GRM7: variants seen among roughly 807,000 people sequenced by gnomAD.
The protein encoded by GRM7 is metabotropic glutamate receptor 7.
In GRM7, 35 loss-of-function variants were observed where a neutral mutation model predicts 84.5. The observed-to-expected ratio is 0.41, with a 90% CI of 0.32 to 0.55. The LOEUF (loss-of-function observed/expected upper bound fraction) is 0.55. Among genes scored for constraint, GRM7 ranks in the 20% least tolerant of loss-of-function variants. GRM7 has a pLI of 0.19. For missense variants in GRM7, 1,003 were observed against 1,194.6 expected (o/e 0.84, Z 2.36); for synonymous variants, 487 against 455.1 (o/e 1.07, Z -0.89).
At chr3:7,576,027 G>A (rs1057126535) in intron 7 of GRM7, among the ~76,000 whole-genome samples, 20 of 152,158 alleles carry the variant, frequency 1.3e-4, no homozygotes, top group Admixed American at 3.3e-4. Flanking sequence ...TATGTGGCAC[G>A]TGAGTAGCCA....
At chr3:6,935,676 A>T (rs1340250984) in intron 1 of GRM7, among the ~76,000 whole-genome samples, 1 of 111,040 alleles carries the variant, frequency 9.0e-6, no homozygotes, top group Non-Finnish European at 1.8e-5. Context: ...TCTTATTTTT[A>T]AATTATTATT....
intron 2 of GRM7, among the ~76,000 whole-genome samples, chr3:7,229,750 TA>T (rs1324049560): frequency 2.8e-5 from 1 of 36,308 alleles, no homozygotes; most frequent in African/African-American, 8.5e-5. Context: ...TATATATATA[TA>T]TATATATATT....
At chr3:7,143,702 T>C (rs6770189) in intron 1 of GRM7, among the ~76,000 whole-genome samples, 4,529 of 152,206 alleles carry the variant, frequency 0.03, 221 homozygotes, top group African/African-American at 0.1. Flanking sequence ...TAAATGCAAA[T>C]TCAAGGAGAG....
intron 3 of GRM7, among the ~76,000 whole-genome samples, chr3:7,303,948 A>C (rs1700097148): frequency 6.7e-6 from 1 of 149,936 alleles, no homozygotes; most frequent in African/African-American, 2.4e-5. Context: ...TTTTTTTAAG[A>C]GTAAATTAAG....
chr3:7,710,437 G>A (rs982842788), intron 9 of GRM7, among the ~76,000 whole-genome samples: 17 of 152,064 alleles, frequency 1.1e-4, no homozygotes, highest in African/African-American at 4.1e-4. Context: ...TTCATTATAG[G>A]TAATTTCAGG....
In GRM7 at chr3:7,010,677, C is replaced by T. The variant is rs961779321; in HGVS notation, c.520-135775C>T. 4.2e-4 allele frequency among the ~76,000 whole-genome samples: 64 copies of T among 152,088 alleles called. 1 individual carries two copies. Among genetic ancestry groups the T allele is most frequent in the Non-Finnish European group, 1.2e-4 (8 of 68,008 alleles). On this transcript the variant is annotated intron_variant, in intron 1 of 9. Coordinates refer to ENST00000357716, the MANE Select transcript of GRM7 (RefSeq NM_000844.4). ...ATAGGTTAGAGACAAACACAGAAAC[C>T]TAAAAATCAGGAGCTAGTTGAGAAG...
chr3:6,941,960 C>A lies in GRM7; in HGVS notation c.519+80053C>A, dbSNP rs554657524. Reference sequence around the variant, plus strand: ...TATGAACAGAATAGAATATCAGGAACAACAATTTCATTCAGTCTTGTTATA... The same window carrying A: ...TATGAACAGAATAGAATATCAGGAAAAACAATTTCATTCAGTCTTGTTATA... On this transcript the variant is annotated intron_variant, in intron 1 of 9. Transcript: ENST00000357716. Among the ~76,000 whole-genome samples the A allele has an allele frequency of 1.0e-3, 154 of 152,248 alleles. 1 individual carries two copies. The highest frequency in any genetic ancestry group is 3.6e-3 in the African/African-American group (148 of 41,550).
intron 1 of GRM7, among the ~76,000 whole-genome samples, chr3:7,067,386 C>A (rs929676473): frequency 6.6e-6 from 1 of 151,898 alleles, no homozygotes; most frequent in African/African-American, 2.4e-5. Flanking sequence ...AACGGCCAAG[C>A]AGAGAATCAA....
chr3:7,555,590 G>A (rs1355800704), intron 7 of GRM7, among the ~76,000 whole-genome samples: 1 of 152,074 alleles, frequency 6.6e-6, no homozygotes, highest in Admixed American at 6.6e-5. Flanking sequence ...CCTTTCAATG[G>A]CAAATTAAAA....
At chr3:7,572,825 TA>T (rs1298528752) in intron 7 of GRM7, among the ~76,000 whole-genome samples, 10 of 10,728 alleles carry the variant, frequency 9.3e-4, no homozygotes, top group Non-Finnish European at 3.7e-4. Flanking sequence ...CTATCTCAAA[TA>T]TATATATATA....
intron 1 of GRM7, among the ~76,000 whole-genome samples, chr3:6,921,023 C>T (rs1697104716): frequency 6.6e-6 from 1 of 152,166 alleles, no homozygotes. Context: ...TGGAGACTGG[C>T]TGACACTCTT....
chr3:6,930,723 T>C (rs1179318065), intron 1 of GRM7, among the ~76,000 whole-genome samples: 4 of 152,316 alleles, frequency 2.6e-5, no homozygotes, highest in East Asian at 1.9e-4. Flanking sequence ...GCCAGACTGA[T>C]AGGTTGATCA....
chr3:7,384,045 A>G (rs888739702), intron 4 of GRM7, among the ~76,000 whole-genome samples: 1 of 152,078 alleles, frequency 6.6e-6, no homozygotes, highest in Admixed American at 6.6e-5. Flanking sequence ...TTCTTTATTT[A>G]GGAGACAGAG....
intron 1 of GRM7, among the ~76,000 whole-genome samples, chr3:6,938,998 G>T (rs1390408009): frequency 6.6e-6 from 1 of 152,102 alleles, no homozygotes; most frequent in African/African-American, 2.4e-5. Flanking sequence ...AACCCCTCTC[G>T]ATCTCTTGCT....
At chr3:7,336,432 C>T (rs1447674445) in intron 4 of GRM7, among the ~76,000 whole-genome samples, 1 of 151,968 alleles carries the variant, frequency 6.6e-6, no homozygotes, top group East Asian at 1.9e-4. Context: ...CCACAGTCAA[C>T]AGTATACAGA....
intron 7 of GRM7, among the ~76,000 whole-genome samples, chr3:7,564,311 T>C (rs2125039214): frequency 6.6e-6 from 1 of 152,312 alleles, no homozygotes; most frequent in South Asian, 2.1e-4. Flanking sequence ...GAGGTAATTA[T>C]TACTGTCTCC....
intron 1 of GRM7, among the ~76,000 whole-genome samples, chr3:6,921,560 T>G (rs534499368): frequency 5.9e-5 from 9 of 152,104 alleles, no homozygotes; most frequent in African/African-American, 2.2e-4. Flanking sequence ...TCATATAAAC[T>G]GATTTAACAA....
At chr3:7,156,925 G>A (rs576577710) in intron 2 of GRM7, among the ~76,000 whole-genome samples, 148 of 151,622 alleles carry the variant, frequency 9.8e-4, no homozygotes, top group Non-Finnish European at 1.8e-3. Flanking sequence ...AAAAGTGCAA[G>A]TGAGATAGAC....
intron 2 of GRM7, among the ~76,000 whole-genome samples, chr3:7,226,836 A>G (rs936004313): frequency 1.3e-5 from 2 of 152,214 alleles, no homozygotes; most frequent in Non-Finnish European, 2.9e-5. Flanking sequence ...TTGCATAAAA[A>G]TAAAACTCTA....
Sources: allele counts gnomAD v4.1 joint callset (sites outside exome capture counted in the v4.1 genomes callset), GRCh38; gene constraint gnomAD v4.1.1; transcripts MANE v1.5; gene names NCBI Gene and HGNC (gene_info 2026-07-23, HGNC 2026-07-21).